The following FBXW8 variants were observed in gnomAD, a reference collection of about 807,000 sequenced individuals.
FBXW8 encodes the protein F-box and WD repeat domain containing 8, also known as F-box/WD repeat-containing protein 8.
In FBXW8, 57 loss-of-function variants were observed where a neutral mutation model predicts 65.3. That is an observed-to-expected ratio of 0.87 (90% CI 0.71 to 1.09). The LOEUF (loss-of-function observed/expected upper bound fraction) is 1.09. FBXW8 is among the 50% of genes least tolerant of loss of function. FBXW8 has a pLI of 0.00. For missense variants in FBXW8, 777 were observed against 814.8 expected (o/e 0.95, Z 0.57); for synonymous variants, 308 against 330.2 (o/e 0.93, Z 0.73).
intron 1 of FBXW8, among the ~76,000 whole-genome samples, chr12:116,911,913 C>T (rs902967474): frequency 2.0e-5 from 3 of 152,146 alleles, no homozygotes; most frequent in African/African-American, 7.2e-5. Flanking sequence ...GAAGAATCTC[C>T]TGGGCACTTT....
In FBXW8 at chr12:116,940,345, G is replaced by A. The variant is rs1336419399; in HGVS notation, c.424-5019G>A. 2.0e-5 allele frequency among the ~76,000 whole-genome samples: 3 copies of A among 151,008 alleles called. No homozygotes were observed. The East Asian group carries it at 5.8e-4, about 29-fold the overall frequency. On this transcript the variant is annotated intron_variant, in intron 2 of 10. Transcript: ENST00000652555. The stretch of plus-strand genomic sequence containing the variant: ...GATGGGAGAAGTGGCTAATGCAATG[G>A]ATGACAGAATTGGGATTCAGAGATT...
At chr12:116,919,192 A>C (rs1339193568) in intron 1 of FBXW8, among the ~76,000 whole-genome samples, 1 of 152,234 alleles carries the variant, frequency 6.6e-6, no homozygotes, top group Non-Finnish European at 1.5e-5. Flanking sequence ...TTCATTGATC[A>C]GCTCAGTGCT....
At chr12:117,013,670 T>C (rs1052791331) in intron 8 of FBXW8, among the ~76,000 whole-genome samples, 3 of 152,200 alleles carry the variant, frequency 2.0e-5, no homozygotes, top group Non-Finnish European at 4.4e-5. Flanking sequence ...AATAGCATCA[T>C]AAAATGGCAG....
chr12:116,984,707 T>C (rs1179383820), intron 5 of FBXW8, among the ~76,000 whole-genome samples: 1 of 152,238 alleles, frequency 6.6e-6, no homozygotes, highest in Non-Finnish European at 1.5e-5. Flanking sequence ...AAATATTGTA[T>C]AGACCAGGTA....
intron 5 of FBXW8, among the ~76,000 whole-genome samples, chr12:116,980,642 T>G (rs989598707): frequency 2.0e-4 from 30 of 152,304 alleles, no homozygotes; most frequent in East Asian, 1.7e-3. Flanking sequence ...AAATACCTAT[T>G]TGAGAAGTGA....
At chr12:117,006,990 AT>A (rs1953692264) in intron 7 of FBXW8, among the ~76,000 whole-genome samples, 1 of 152,222 alleles carries the variant, frequency 6.6e-6, no homozygotes, top group African/African-American at 2.4e-5. Context: ...TAGGAAAAAA[AT>A]GTGTATACAC....
At chr12:116,914,082 G>A (rs1880208345) in intron 1 of FBXW8, among the ~76,000 whole-genome samples, 1 of 152,098 alleles carries the variant, frequency 6.6e-6, no homozygotes, top group African/African-American at 2.4e-5. Context: ...ACCAGCCTGG[G>A]CAACATAGTG....
intron 8 of FBXW8, among the ~76,000 whole-genome samples, chr12:117,011,525 G>A (rs551383778): frequency 6.6e-6 from 1 of 152,140 alleles, no homozygotes; most frequent in African/African-American, 2.4e-5. Context: ...TGTGGGGCAC[G>A]CACTGGGCTA....
At chr12:117,025,327 C>T (rs2135727769) in intron 9 of FBXW8, among the ~76,000 whole-genome samples, 1 of 152,278 alleles carries the variant, frequency 6.6e-6, no homozygotes, top group East Asian at 1.9e-4. Flanking sequence ...GAATGAAACC[C>T]CATCTCTACA....
At chr12:117,021,583 A>AGAG (rs1555226484) in intron 8 of FBXW8, among the ~76,000 whole-genome samples, 4,100 of 151,708 alleles carry the variant, frequency 0.027, 180 homozygotes, top group African/African-American at 0.089. Flanking sequence ...AAATTATTAT[A>AGAG]GAGTATTTTG....
chr12:116,951,662 A>G (rs549311348), intron 4 of FBXW8, among the ~76,000 whole-genome samples: 25 of 152,340 alleles, frequency 1.6e-4, no homozygotes, highest in African/African-American at 6.0e-4. Flanking sequence ...GATGGAGAGC[A>G]GAATCTCTTC....
chr12:116,942,002 A>ATT, intron 2 of FBXW8, among the ~76,000 whole-genome samples: 1 of 152,044 alleles, frequency 6.6e-6, no homozygotes, highest in African/African-American at 2.4e-5. Context: ...GGCTCTGTTC[A>ATT]TTTTATTCAT....
At chr12:116,993,879 G>C (rs1053888494) in intron 7 of FBXW8, among the ~76,000 whole-genome samples, 3 of 152,152 alleles carry the variant, frequency 2.0e-5, no homozygotes, top group Admixed American at 2.0e-4. Context: ...TCAAGTCTTA[G>C]ATTTAAGTCT....
At chr12:116,971,916 C>T (rs1239227173) in intron 5 of FBXW8, among the ~76,000 whole-genome samples, 1 of 152,038 alleles carries the variant, frequency 6.6e-6, no homozygotes, top group Non-Finnish European at 1.5e-5. Flanking sequence ...ATCTACAAGC[C>T]CTCAAAGTTA....
At chr12:117,019,842 A>G (rs1954047007) in intron 8 of FBXW8, among the ~76,000 whole-genome samples, 1 of 152,178 alleles carries the variant, frequency 6.6e-6, no homozygotes, top group African/African-American at 2.4e-5. Context: ...CTCCAAGGTA[A>G]TTGTTGTTAA....
Position 116,978,204 on chromosome 12 carries a change from C to T in FBXW8, c.836-7002C>T, listed in dbSNP as rs140331984. 3.3e-5 allele frequency: 5 copies of T among 152,336 alleles called. No homozygotes were observed. In the East Asian group the frequency reaches 5.8e-4, roughly 18 times the overall value. 9.4% of individuals were successfully genotyped at this position (152,336 alleles called of 1,614,324 possible). A position where few individuals can be genotyped will look rare whatever the true frequency, so the allele number is the denominator to read the frequency against. ...AGAAACTTCAGCCTTTTTCCTTTTT[C>T]GTGACCCTCCGTGGTTTAGCTGTTC... On this transcript the variant is annotated intron_variant, in intron 5 of 10. Coordinates refer to ENST00000652555, the MANE Select transcript of FBXW8 (RefSeq NM_153348.3).
chr12:117,007,675 C>G lies in FBXW8; in HGVS notation c.1240-2648C>G, dbSNP rs544807895. Among the ~76,000 whole-genome samples, 44 of 152,274 alleles carry G rather than the reference C, an allele frequency of 2.9e-4. 1 individual carries two copies. In the South Asian group the frequency reaches 8.3e-3, roughly 29 times the overall value. ...TGAGTCAAGTGGTCATGGGTTGAGA[C>G]TCACCCAACTAGGGCAATAAAGAGA... is the stretch of plus-strand genomic sequence containing the variant. On this transcript the variant is annotated intron_variant, in intron 7 of 10. Transcript: ENST00000652555.
In FBXW8 at chr12:116,912,664, T is replaced by C. The variant is rs112885584; in HGVS notation, c.318+1309T>C. 2.5e-3 allele frequency among the ~76,000 whole-genome samples: 383 copies of C among 152,124 alleles called. 3 individuals are homozygous for C. The highest frequency in any genetic ancestry group is 8.7e-3 in the African/African-American group (361 of 41,524). On this transcript the variant is annotated intron_variant, in intron 1 of 10. Transcript: ENST00000652555. ...ATTTTTAGTAGAGATGGGGTTTCAC[T>C]GTGTTAGCCAGGATGGTCTCGATCT...
chr12:117,021,567 T>A (rs1954098361), intron 8 of FBXW8, among the ~76,000 whole-genome samples: 1 of 151,922 alleles, frequency 6.6e-6, no homozygotes, highest in South Asian at 2.1e-4. Flanking sequence ...GAGCTCCAAG[T>A]TGAGAAAATT....
Sources: allele counts gnomAD v4.1 joint callset (sites outside exome capture counted in the v4.1 genomes callset), GRCh38; gene constraint gnomAD v4.1.1; transcripts MANE v1.5; gene names NCBI Gene and HGNC (gene_info 2026-07-23, HGNC 2026-07-21).